The following RERE variants were observed in gnomAD, a reference collection of about 807,000 sequenced individuals.
The protein encoded by RERE is arginine-glutamic acid dipeptide repeats protein.
RERE carries 40 observed loss-of-function variants against 146.1 expected under a neutral mutation model. That is an observed-to-expected ratio of 0.27 (90% CI 0.21 to 0.36). The LOEUF (loss-of-function observed/expected upper bound fraction) is 0.36, where lower values mean the gene tolerates loss of function less well. Among genes scored for constraint, RERE ranks in the 10% least tolerant of loss-of-function variants. The probability of loss-of-function intolerance (pLI) is 1.00; values close to 1 mark genes in which losing one functional copy is unlikely to be tolerated. For missense variants in RERE, 1,933 were observed against 2,138.7 expected (o/e 0.90, Z 1.90); for synonymous variants, 1,003 against 866.0 (o/e 1.16, Z -2.78).
intron 12 of RERE, among the ~76,000 whole-genome samples, chr1:8,417,051 C>A (rs1319198574): frequency 2.6e-5 from 4 of 152,224 alleles, no homozygotes; most frequent in African/African-American, 9.7e-5. Context: ...CACATTTGCA[C>A]ATTCTCAGTA....
chr1:8,598,023 C>T (rs1018969042), intron 4 of RERE, among the ~76,000 whole-genome samples: 1 of 152,284 alleles, frequency 6.6e-6, no homozygotes, highest in Non-Finnish European at 1.5e-5. Flanking sequence ...ACATCTCTTT[C>T]CCGCCTCATG....
chr1:8,669,546 C>A (rs995761204), intron 1 of RERE, among the ~76,000 whole-genome samples: 1 of 152,216 alleles, frequency 6.6e-6, no homozygotes, highest in Non-Finnish European at 1.5e-5. Context: ...AACAAAGGTG[C>A]ATCTGGCTAC....
chr1:8,656,538 C>T (rs1410500346), intron 1 of RERE, 97 bp from the exon 2 acceptor site: 17 of 515,344 alleles, frequency 3.3e-5, no homozygotes, highest in South Asian at 4.0e-5. Context: ...ATGCTTTACA[C>T]CTAAAAACTT....
intron 12 of RERE, among the ~76,000 whole-genome samples, chr1:8,387,675 T>A (rs1201940867): frequency 6.6e-6 from 1 of 152,086 alleles, no homozygotes; most frequent in Non-Finnish European, 1.5e-5. Context: ...AAATAGCCAA[T>A]AAACTCATTA....
chr1:8,409,907 C>A (rs148709866), intron 12 of RERE, among the ~76,000 whole-genome samples: 33 of 150,860 alleles, frequency 2.2e-4, no homozygotes, highest in African/African-American at 7.8e-4. Flanking sequence ...TTGCTCAGGT[C>A]CATTCTAAGT....
At chr1:8,702,801 T>C (rs1307755801) in intron 1 of RERE, among the ~76,000 whole-genome samples, 2 of 152,182 alleles carry the variant, frequency 1.3e-5, no homozygotes, top group East Asian at 3.9e-4. Flanking sequence ...CTGTTCGATT[T>C]AATTAACTGA....
rs570456699 is a variant in RERE at position 8,552,936 on chromosome 1, C to T, written c.725+3539G>A. Reference sequence around the variant, plus strand: ...CCAGTGCGTTCACACACACGTGACACCACACCACTAGGCCAGCAAGTCCAC... The same window carrying T: ...CCAGTGCGTTCACACACACGTGACATCACACCACTAGGCCAGCAAGTCCAC... On this transcript the variant is annotated intron_variant, in intron 6 of 22. Transcript: ENST00000400908. Among the ~76,000 whole-genome samples the T allele has an allele frequency of 2.9e-3, 431 of 151,180 alleles. 4 individuals are homozygous for T. The highest frequency in any genetic ancestry group is 9.9e-3 in the African/African-American group (408 of 41,178).
intron 3 of RERE, among the ~76,000 whole-genome samples, chr1:8,623,510 T>A (rs1194631167): frequency 6.6e-6 from 1 of 152,204 alleles, no homozygotes; most frequent in Non-Finnish European, 1.5e-5. Flanking sequence ...ATAAGTGAAA[T>A]TTTTAAAAAT....
intron 12 of RERE, among the ~76,000 whole-genome samples, chr1:8,389,472 G>C (rs1642802846): frequency 6.6e-6 from 1 of 152,150 alleles, no homozygotes; most frequent in African/African-American, 2.4e-5. Context: ...GCGGCTCAGT[G>C]GATGCCCCTA....
intron 6 of RERE, among the ~76,000 whole-genome samples, chr1:8,542,146 C>T (rs1645808209): frequency 1.3e-5 from 2 of 152,098 alleles, no homozygotes; most frequent in Non-Finnish European, 2.9e-5. Context: ...CACACACACG[C>T]ACACATACAC....
intron 12 of RERE, among the ~76,000 whole-genome samples, chr1:8,413,003 CA>C (rs1409605697): frequency 1.3e-5 from 2 of 152,042 alleles, no homozygotes; most frequent in Non-Finnish European, 2.9e-5. Flanking sequence ...CACTGAAGAG[CA>C]AAAGATGAGG....
At chr1:8,438,952 T>C (rs769800367) in intron 11 of RERE, among the ~76,000 whole-genome samples, 12 of 152,208 alleles carry the variant, frequency 7.9e-5, no homozygotes, top group Non-Finnish European at 1.5e-4. Flanking sequence ...ATGGTTTCTA[T>C]AAACTCTTGG....
At chr1:8,459,062 G>C (rs1238789318) in intron 11 of RERE, among the ~76,000 whole-genome samples, 1 of 152,130 alleles carries the variant, frequency 6.6e-6, no homozygotes, top group African/African-American at 2.4e-5. Flanking sequence ...TTAATTTGCT[G>C]TCTCATTTCC....
chr1:8,679,296 G>A (rs1158733192), intron 1 of RERE, among the ~76,000 whole-genome samples: 1 of 152,186 alleles, frequency 6.6e-6, no homozygotes, highest in African/African-American at 2.4e-5. Context: ...AGGAAAGACA[G>A]TGAGACAGTC....
chr1:8,617,343 C>CAAAAAAAAAAAAAAAAAAAAAA (rs58933208), intron 3 of RERE, among the ~76,000 whole-genome samples: 6 of 80,426 alleles, frequency 7.5e-5, no homozygotes, highest in African/African-American at 1.6e-4. Flanking sequence ...AACTCTGTCT[C>CAAAAAAAAAAAAAAAAAAAAAA]AAAAAAAAAA....
intron 4 of RERE, among the ~76,000 whole-genome samples, chr1:8,608,513 C>T (rs1029827704): frequency 6.6e-6 from 1 of 151,806 alleles, no homozygotes. Flanking sequence ...GTAAAATCAA[C>T]AAAAAAACCC....
At chr1:8,383,643 G>A (rs141966363) in intron 12 of RERE, among the ~76,000 whole-genome samples, 2,297 of 152,092 alleles carry the variant, frequency 0.015, 57 homozygotes, top group African/African-American at 0.052. Flanking sequence ...GGTGGATCAC[G>A]AGGTCAGGAG....
chr1:8,717,869 A>G (rs936924880), intron 1 of RERE, among the ~76,000 whole-genome samples: 2 of 152,242 alleles, frequency 1.3e-5, no homozygotes, highest in African/African-American at 4.8e-5. Flanking sequence ...GTCCATGGGA[A>G]TGCTGACATG....
intron 1 of RERE, among the ~76,000 whole-genome samples, chr1:8,726,139 TTTC>T (rs1639959308): frequency 2.1e-5 from 3 of 142,162 alleles, no homozygotes. Flanking sequence ...GTTTTCCTTT[TTTC>T]TTTTCTTTTT....
Sources: gnomAD v4.1 joint callset for allele counts (sites outside exome capture counted in the v4.1 genomes callset) on GRCh38, gnomAD v4.1.1 for gene constraint, MANE v1.5 for transcripts, NCBI Gene and HGNC (gene_info 2026-07-23, HGNC 2026-07-21) for gene names.